The following SV2B variants were observed in gnomAD, a reference collection of about 807,000 sequenced individuals.
SV2B encodes the protein synaptic vesicle glycoprotein 2B, also known as solute carrier family 22 member B2.
Under a neutral mutation model 73.9 loss-of-function variants are expected in SV2B, and 41 were observed. The ratio of observed to expected loss-of-function variants is 0.56; its 90% CI spans 0.43 to 0.72. SV2B has a LOEUF of 0.72. SV2B is among the 30% of genes least tolerant of loss of function. SV2B has a pLI of 0.00. For synonymous variants in SV2B, 314 were observed against 314.2 expected (o/e 1.00, Z 0.01); for missense variants, 764 against 857.8 (o/e 0.89, Z 1.37).
chr15:91,258,566 CT>C lies in SV2B; in HGVS notation c.918+16del, dbSNP rs1470224589. 2.5e-6 allele frequency: 4 copies of C among 1,613,274 alleles called. No homozygotes were observed. The highest frequency in any genetic ancestry group is 2.7e-5 in the African/African-American group (2 of 75,010). On this transcript the variant is annotated intron_variant, in intron 5 of 12. Coordinates refer to ENST00000394232, the MANE Select transcript of SV2B (RefSeq NM_001323032.3). The surrounding 1 kb of genome is among the most constrained non-coding windows in gnomAD (Gnocchi z 4.7). ...GGTTTCTGCTAGAGGTGAGTCAGTG[CT>C]TTTCCACCAGGGGGAGAGTGACAAA... is the stretch of plus-strand genomic sequence containing the variant.
intron 2 of SV2B, among the ~76,000 whole-genome samples, chr15:91,228,510 C>T (rs2046457930): frequency 6.6e-6 from 1 of 152,158 alleles, no homozygotes; most frequent in Non-Finnish European, 1.5e-5. Flanking sequence ...CCAACTGAAA[C>T]CCTGGGTCCC....
chr15:91,226,531 C>A lies in SV2B; in HGVS notation c.268C>A (p.Gln90Lys). The A allele has an allele frequency of 1.2e-6, 2 of 1,614,188 alleles. No individual in the cohort carries two copies. The highest frequency in any genetic ancestry group is 1.7e-6 in the Non-Finnish European group (2 of 1,180,022). Residue 90 changes from glutamine (Q) to lysine (K), a missense_variant, in exon 2 of 13, where the codon CAG (glutamine) becomes AAG (lysine). Coordinates refer to ENST00000394232, the MANE Select transcript of SV2B (RefSeq NM_001323032.3). ...GGCTGAGAGGCTGGAAGATGAGGAG[C>A]AGTTGGCCCACCAGTACGAGACCAT... ...LMAERLEDEE[Q>K]LAHQYETIMD...
intron 1 of SV2B, among the ~76,000 whole-genome samples, chr15:91,196,619 A>C (rs772314452): frequency 6.6e-6 from 1 of 152,254 alleles, no homozygotes; most frequent in Non-Finnish European, 1.5e-5. Flanking sequence ...TTGATTCTTC[A>C]GGCAAGATTA....
At chr15:91,264,556 G>T (rs1449620646) in intron 6 of SV2B, among the ~76,000 whole-genome samples, 2 of 152,114 alleles carry the variant, frequency 1.3e-5, no homozygotes, top group Non-Finnish European at 1.5e-5. Flanking sequence ...GGCTGAGCTT[G>T]TTTCATTTTC....
intron 1 of SV2B, among the ~76,000 whole-genome samples, chr15:91,174,598 C>T (rs2044238085): frequency 6.6e-6 from 1 of 152,198 alleles, no homozygotes; most frequent in Non-Finnish European, 1.5e-5. Flanking sequence ...TGGGATCCAG[C>T]ATGCAGGAAG....
rs747568561 is a variant in SV2B, at chr15:91,251,633, A to T, written c.452-186A>T. On this transcript the variant is annotated intron_variant, in intron 2 of 12. Coordinates refer to ENST00000394232, the MANE Select transcript of SV2B (RefSeq NM_001323032.3). ...ATATGTGAGGCCATTTTTAAGATAA[A>T]ATTTGTAAAAAGTCATATTTGTATA... Among the ~76,000 whole-genome samples the T allele has an allele frequency of 5.3e-4, 81 of 152,234 alleles. 1 individual carries two copies. The highest frequency in any genetic ancestry group is 2.1e-4 in the Non-Finnish European group (14 of 68,044).
chr15:91,237,791 G>T (rs542491453), intron 2 of SV2B, among the ~76,000 whole-genome samples: 1 of 152,176 alleles, frequency 6.6e-6, no homozygotes, highest in Non-Finnish European at 1.5e-5. Flanking sequence ...CTGTATTTGC[G>T]ATGATGTTTG....
chr15:91,239,505 CTG>C lies in SV2B; in HGVS notation c.452-12313_452-12312del, dbSNP rs1382503084. On this transcript the variant is annotated intron_variant, in intron 2 of 12. Coordinates refer to ENST00000394232, the MANE Select transcript of SV2B (RefSeq NM_001323032.3). The surrounding 1 kb of genome is among the most constrained non-coding windows in gnomAD (Gnocchi z 5.1). Reference sequence around the variant, plus strand: ...GCCCTTCGTTTCTGACTTGAAGAAACTGAGCCCCAAGGAGAAAGTGACTTGGT... The same window carrying C: ...GCCCTTCGTTTCTGACTTGAAGAAACAGCCCCAAGGAGAAAGTGACTTGGT... Among the ~76,000 whole-genome samples, 1 of 152,110 alleles carries C rather than the reference CTG, an allele frequency of 6.6e-6. No homozygotes were observed. Among genetic ancestry groups the C allele is most frequent in the African/African-American group, 2.4e-5 (1 of 41,424 alleles).
Position 91,102,971 on chromosome 15 carries a change from G to C in SV2B, c.-392+2608G>C, listed in dbSNP as rs957682727. On this transcript the variant is annotated intron_variant, in intron 1 of 12. Coordinates refer to ENST00000394232, the MANE Select transcript of SV2B (RefSeq NM_001323032.3). ...CCAAGAGACCCAGAAAGGAGGCCACGGAAGCTGCTGTTGAGTCAGACACCC... is the reference window on the plus strand; with the variant it reads ...CCAAGAGACCCAGAAAGGAGGCCACCGAAGCTGCTGTTGAGTCAGACACCC... Among the ~76,000 whole-genome samples the C allele has an allele frequency of 3.3e-5, 5 of 152,184 alleles. No homozygotes were observed. In the East Asian group the frequency reaches 9.6e-4, roughly 29 times the overall value.
chr15:91,241,313 C>T lies in SV2B; in HGVS notation c.452-10506C>T, dbSNP rs778624631. ...TCTCTTACTCTGCTGTGTTCCCCAC[C>T]CCTGGTTGCATCCGACTTTTCCTCC... On this transcript the variant is annotated intron_variant, in intron 2 of 12. Transcript: ENST00000394232. This position sits in a 1 kb window ranked among gnomAD's most constrained non-coding sequence, Gnocchi z 4.8. Among the ~76,000 whole-genome samples, 9 of 152,164 alleles carry T rather than the reference C, an allele frequency of 5.9e-5. No homozygotes were observed. The highest frequency in any genetic ancestry group is 5.2e-4 in the Admixed American group (8 of 15,274).
At chr15:91,287,850 C>T (rs1419509285) in intron 11 of SV2B, among the ~76,000 whole-genome samples, 1 of 152,186 alleles carries the variant, frequency 6.6e-6, no homozygotes, top group African/African-American at 2.4e-5. Flanking sequence ...GAGAAGCAGT[C>T]ACCACCTCTA....
rs947081760 is a variant in SV2B at position 91,139,729 on chromosome 15, T to G, written c.-392+39366T>G. The stretch of plus-strand genomic sequence containing the variant: ...GGGTTAAGCAAATAGGAGCAAACAT[T>G]AGGGTGACTGTAACAATTATCATCT... On this transcript the variant is annotated intron_variant, in intron 1 of 12. Coordinates refer to ENST00000394232, the MANE Select transcript of SV2B (RefSeq NM_001323032.3). The surrounding 1 kb of genome is among the most constrained non-coding windows in gnomAD (Gnocchi z 5.2). 2.0e-5 allele frequency among the ~76,000 whole-genome samples: 3 copies of G among 152,124 alleles called. No homozygotes were observed. Among genetic ancestry groups the G allele is most frequent in the Non-Finnish European group, 4.4e-5 (3 of 68,018 alleles).
chr15:91,191,647 A>G (rs1160568393), intron 1 of SV2B, among the ~76,000 whole-genome samples: 1 of 152,142 alleles, frequency 6.6e-6, no homozygotes, highest in Non-Finnish European at 1.5e-5. Flanking sequence ...GGTAGCTCAA[A>G]TACAATTTAT....
At position 91,122,106 on chromosome 15, in the gene SV2B, G is replaced by A. The variant is rs569196416; in HGVS notation, c.-392+21743G>A. On this transcript the variant is annotated intron_variant, in intron 1 of 12. Transcript: ENST00000394232. This position sits in a 1 kb window ranked among gnomAD's most constrained non-coding sequence, Gnocchi z 4.3. ...GTTTTAAAAGTAATGCTTGCCTGTT[G>A]ACTCCAGGAGTCTGACGCCAAAGAC... is the stretch of plus-strand genomic sequence containing the variant. Among the ~76,000 whole-genome samples, 2 of 152,130 alleles carry A rather than the reference G, an allele frequency of 1.3e-5. No individual in the cohort carries two copies. The highest frequency in any genetic ancestry group is 1.3e-4 in the Admixed American group (2 of 15,276).
rs1454643950 is a variant in SV2B, at chr15:91,130,330, G to A, written c.-392+29967G>A. Among the ~76,000 whole-genome samples the A allele has an allele frequency of 1.3e-5, 2 of 152,170 alleles. No homozygotes were observed. Among genetic ancestry groups the A allele is most frequent in the Non-Finnish European group, 2.9e-5 (2 of 68,032 alleles). ...GAGTGAACAGGCTCAGGAACCAATT[G>A]CAACTCAGGGACAAGGTCAGGGTTG... is the stretch of plus-strand genomic sequence containing the variant. On this transcript the variant is annotated intron_variant, in intron 1 of 12. Transcript: ENST00000394232. This position sits in a 1 kb window ranked among gnomAD's most constrained non-coding sequence, Gnocchi z 5.6.
intron 1 of SV2B, among the ~76,000 whole-genome samples, chr15:91,159,056 A>G (rs2043617553): frequency 6.6e-6 from 1 of 152,070 alleles, no homozygotes. Flanking sequence ...GGCTGAGTAG[A>G]TGAAAAGTAG....
intron 1 of SV2B, among the ~76,000 whole-genome samples, chr15:91,176,060 C>T (rs2044295686): frequency 6.8e-6 from 1 of 147,534 alleles, no homozygotes; most frequent in South Asian, 2.2e-4. Context: ...CCACAACAGT[C>T]CCCAGAGTGT....
intron 1 of SV2B, among the ~76,000 whole-genome samples, chr15:91,145,451 C>T (rs1219695176): frequency 6.6e-6 from 1 of 152,136 alleles, no homozygotes; most frequent in Non-Finnish European, 1.5e-5. Flanking sequence ...AATGAACATA[C>T]ATGTGCATAT....
At position 91,180,512 on chromosome 15, in the gene SV2B, C is replaced by T. The variant is rs530883750; in HGVS notation, c.-391-45361C>T. On this transcript the variant is annotated intron_variant, in intron 1 of 12. Transcript: ENST00000394232. ...GTTTTCCAACTTGGTTCCATTCTCC[C>T]CGTCACTTTCAGGTAACCAATCAGA... Among the ~76,000 whole-genome samples the T allele has an allele frequency of 3.3e-5, 5 of 152,262 alleles. No individual in the cohort carries two copies. In the East Asian group the frequency reaches 9.6e-4, roughly 29 times the overall value.
Sources: gnomAD v4.1 joint callset for allele counts (sites outside exome capture counted in the v4.1 genomes callset) on GRCh38, gnomAD v4.1.1 for gene constraint, Gnocchi (gnomAD v3.1) non-coding constraint, MANE v1.5 for transcripts, NCBI Gene and HGNC (gene_info 2026-07-23, HGNC 2026-07-21) for gene names.